The following FER1L6 variants were observed in gnomAD, a reference collection of about 807,000 sequenced individuals.
FER1L6 encodes the protein fer-1-like protein 6.
Under a neutral mutation model 219.2 loss-of-function variants are expected in FER1L6, and 177 were observed. The ratio of observed to expected loss-of-function variants is 0.81; its 90% confidence interval spans 0.71 to 0.91. The LOEUF (loss-of-function observed/expected upper bound fraction) is 0.91, where lower values mean the gene tolerates loss of function less well. Among genes scored for constraint, FER1L6 ranks in the 40% least tolerant of loss-of-function variants. The pLI is 0.00. For missense variants in FER1L6, 2,153 were observed against 2,259.9 expected (o/e 0.95, Z 0.96); for synonymous variants, 768 against 824.3 (o/e 0.93, Z 1.17).
In FER1L6 at chr8:124,119,730, C is replaced by T. The variant is rs529813536; in HGVS notation, c.5514C>T (p.Leu1838=). Reference sequence around the variant, plus strand: ...TTCTCATCATCCTCATCATCTTCCTCGTCCTTTTCATCTACACCTTGCCAG... The same window carrying T: ...TTCTCATCATCCTCATCATCTTCCTTGTCCTTTTCATCTACACCTTGCCAG... ...AFILIILIIF[L]VLFIYTLPGA... The change falls in exon 41 of 41, where the codon CTC becomes CTT. Residue 1838 remains leucine (L), a synonymous_variant. Coordinates refer to ENST00000522917, the MANE Select transcript of FER1L6 (RefSeq NM_001039112.2). The T allele has an allele frequency of 2.7e-5, 43 of 1,613,858 alleles. No homozygotes were observed. The highest frequency in any genetic ancestry group is 3.3e-5 in the South Asian group (3 of 91,054).
chr8:123,886,328 C>A (rs1817202283), intron 1 of FER1L6, among the ~76,000 whole-genome samples: 1 of 152,064 alleles, frequency 6.6e-6, no homozygotes, highest in South Asian at 2.1e-4. Flanking sequence ...CCCTTATGAG[C>A]CTTTGGTGCC....
intron 30 of FER1L6, among the ~76,000 whole-genome samples, chr8:124,071,005 A>G (rs535821911): frequency 6.6e-6 from 1 of 152,326 alleles, no homozygotes; most frequent in East Asian, 1.9e-4. Flanking sequence ...CACTATAAAC[A>G]TACTACAAGC....
In FER1L6 at chr8:124,091,967, TA is replaced by T. The variant is rs10591429; in HGVS notation, c.4552+405del. 5.1e-3 allele frequency among the ~76,000 whole-genome samples: 679 copies of T among 133,514 alleles called. 7 individuals carry two copies. The highest frequency in any genetic ancestry group is 0.017 in the African/African-American group (601 of 35,460). The allele number at this position is 133,514 out of a possible 152,430, so 87.6% of individuals were successfully genotyped here. On this transcript the variant is annotated intron_variant, in intron 34 of 40. Coordinates refer to ENST00000522917, the MANE Select transcript of FER1L6 (RefSeq NM_001039112.2). The stretch of plus-strand genomic sequence containing the variant: ...GAACAACAGAGTGGGACTCAAGTCT[TA>T]AAAAAAAAAAAAAAAAAAAAGTAAT...
chr8:124,094,376 C>T (rs1822184364), intron 34 of FER1L6, among the ~76,000 whole-genome samples: 2 of 152,106 alleles, frequency 1.3e-5, no homozygotes, highest in African/African-American at 4.8e-5. Context: ...AGTCTTATTT[C>T]CCTCTCTCTA....
intron 20 of FER1L6, among the ~76,000 whole-genome samples, chr8:124,041,855 G>T (rs769082604): frequency 2.0e-5 from 3 of 152,200 alleles, no homozygotes; most frequent in Non-Finnish European, 4.4e-5. Context: ...CAAAATCCAC[G>T]CTCTTCCATT....
intron 1 of FER1L6, among the ~76,000 whole-genome samples, chr8:123,942,394 G>A (rs1194340622): frequency 2.6e-5 from 4 of 152,216 alleles, no homozygotes; most frequent in Non-Finnish European, 4.4e-5. Flanking sequence ...ACACCATAAA[G>A]ACGTGCTAGA....
chr8:124,050,492 G>A (rs1032451786), intron 22 of FER1L6, among the ~76,000 whole-genome samples: 20 of 152,016 alleles, frequency 1.3e-4, no homozygotes, highest in African/African-American at 4.3e-4. Context: ...GTAGGTTGAG[G>A]GGCCTGTATC....
At chr8:123,996,972 AGTT>A (rs1458425497) in intron 12 of FER1L6, among the ~76,000 whole-genome samples, 3 of 152,084 alleles carry the variant, frequency 2.0e-5, no homozygotes, top group Non-Finnish European at 4.4e-5. Flanking sequence ...CATGTCTTAA[AGTT>A]GTTGTAGTTA....
chr8:123,923,461 T>G (rs1355852175), intron 1 of FER1L6, among the ~76,000 whole-genome samples: 1 of 152,204 alleles, frequency 6.6e-6, no homozygotes, highest in Middle Eastern at 3.2e-3. Flanking sequence ...CAACTCAATG[T>G]CATGCTGCTT....
At chr8:123,857,441 T>A (rs1176683557) in intron 1 of FER1L6, among the ~76,000 whole-genome samples, 1 of 152,074 alleles carries the variant, frequency 6.6e-6, no homozygotes, top group African/African-American at 2.4e-5. Flanking sequence ...GCCCAGGAGT[T>A]CAAGGTTACA....
chr8:123,919,306 C>T (rs1813288470), intron 1 of FER1L6, among the ~76,000 whole-genome samples: 1 of 152,224 alleles, frequency 6.6e-6, no homozygotes, highest in Admixed American at 6.5e-5. Flanking sequence ...TTGCTTATTT[C>T]CTTAACTGGT....
At chr8:124,036,180 A>G (rs1016834224) in intron 19 of FER1L6, 2 of 152,182 alleles carry the variant, frequency 1.3e-5, no homozygotes, top group African/African-American at 4.8e-5. Context: ...GGTTGAGCCA[A>G]TGTTGGAAAC....
chr8:123,986,551 CA>C (rs1022677996), intron 12 of FER1L6, among the ~76,000 whole-genome samples: 13 of 152,124 alleles, frequency 8.5e-5, no homozygotes, highest in African/African-American at 2.4e-5. Context: ...TAAAAACGTA[CA>C]GTAAGTTGTT....
chr8:123,953,803 G>A (rs892867406), intron 1 of FER1L6, among the ~76,000 whole-genome samples: 2 of 152,210 alleles, frequency 1.3e-5, no homozygotes, highest in Non-Finnish European at 2.9e-5. Flanking sequence ...ACTGCTCATG[G>A]CAGGGGGCAC....
intron 39 of FER1L6, among the ~76,000 whole-genome samples, chr8:124,106,198 G>A (rs545908964): frequency 7.2e-5 from 11 of 151,920 alleles, no homozygotes; most frequent in Admixed American, 5.2e-4. Context: ...GCGTGGTGGC[G>A]GGTGCCTGTA....
rs914868918 is a variant in FER1L6 at position 123,852,385 on chromosome 8, T to C, written c.-8+200T>C. ...GGTGCCATATATTGGGGACTCAGCA[T>C]TGGTCTCTGCTGTTGGCAGATTGGG... is the stretch of plus-strand genomic sequence containing the variant. On this transcript the variant is annotated intron_variant, in intron 1 of 40. Coordinates refer to ENST00000522917, the MANE Select transcript of FER1L6 (RefSeq NM_001039112.2). The surrounding 1 kb of genome is among the most constrained non-coding windows in gnomAD (Gnocchi z 4.9). 2.0e-5 allele frequency among the ~76,000 whole-genome samples: 3 copies of C among 152,058 alleles called. No individual in the cohort carries two copies. Among genetic ancestry groups the C allele is most frequent in the African/African-American group, 7.2e-5 (3 of 41,414 alleles).
intron 19 of FER1L6, 48 bp downstream of exon 19, chr8:124,035,502 C>T: frequency 6.4e-7 from 1 of 1,556,028 alleles, no homozygotes; most frequent in Non-Finnish European, 8.7e-7. Context: ...CTCAGGTGGG[C>T]TTCTGAAAAG....
chr8:123,988,867 T>C (rs1197265554), intron 12 of FER1L6, among the ~76,000 whole-genome samples: 2 of 152,218 alleles, frequency 1.3e-5, no homozygotes, highest in African/African-American at 4.8e-5. Flanking sequence ...TTATGTTCAG[T>C]AATAGGGATG....
chr8:124,096,419 G>A (rs1007611442), intron 35 of FER1L6, among the ~76,000 whole-genome samples: 12 of 152,098 alleles, frequency 7.9e-5, no homozygotes, highest in Admixed American at 1.3e-4. Context: ...TCATGCTCTA[G>A]TGGAGTCCCA....
Sources: gnomAD v4.1 joint callset for allele counts (sites outside exome capture counted in the v4.1 genomes callset) on GRCh38, gnomAD v4.1.1 for gene constraint, Gnocchi (gnomAD v3.1) non-coding constraint, MANE v1.5 for transcripts, NCBI Gene and HGNC (gene_info 2026-07-23, HGNC 2026-07-21) for gene names.